CHST3: variants seen among roughly 807,000 people sequenced by gnomAD.
The protein encoded by CHST3 is C6ST-1.
A neutral mutation model predicts 35.4 loss-of-function variants in CHST3; 20 were observed. That is an observed-to-expected ratio of 0.57 (90% CI 0.40 to 0.82). The LOEUF is 0.82. Ranked by LOEUF, CHST3 falls within the 40% of genes least tolerant of loss-of-function variation. The pLI is 0.00. For synonymous variants in CHST3, 334 were observed against 295.9 expected, an observed-to-expected ratio of 1.13 and a Z score of -1.32; for missense variants, 693 against 670.1, an observed-to-expected ratio of 1.03 and a Z score of -0.38.
At chr10:72,000,768 C>T (rs1839985305) in intron 1 of CHST3, among the ~76,000 whole-genome samples, 1 of 151,906 alleles carries the variant, frequency 6.6e-6, no homozygotes, top group Non-Finnish European at 1.5e-5. Flanking sequence ...TGGGTGGCAG[C>T]ACAGTTATAA....
chr10:71,966,029 G>T (rs1363686765), intron 1 of CHST3, among the ~76,000 whole-genome samples: 1 of 152,104 alleles, frequency 6.6e-6, no homozygotes, highest in African/African-American at 2.4e-5. Flanking sequence ...GATTCTGTGG[G>T]GTCTCAATTG....
At chr10:71,981,788 C>A (rs146123260) in intron 1 of CHST3, among the ~76,000 whole-genome samples, 95 of 152,354 alleles carry the variant, frequency 6.2e-4, no homozygotes, top group African/African-American at 2.2e-3. Context: ...GACATGAATT[C>A]AATGCTTCTT....
Position 72,008,075 on chromosome 10 carries a change from C to A in CHST3, c.1044C>A (p.Ile348=), listed in dbSNP as rs3740128. The change falls in exon 3 of 3, where the codon ATC becomes ATA. Residue 348 remains isoleucine (I), a synonymous_variant. Coordinates refer to ENST00000373115, the MANE Select transcript of CHST3 (RefSeq NM_004273.5). ...VQRLRGNCES[I]RLSAELGLRQ... The stretch of plus-strand genomic sequence containing the variant: ...GGCTGCGGGGCAACTGCGAGAGCAT[C>A]CGCCTGTCCGCGGAGCTGGGGCTGC... The A allele has an allele frequency of 1.3e-6, 2 of 1,545,826 alleles. No individual in the cohort carries two copies. The highest frequency in any genetic ancestry group is 4.9e-5 in the East Asian group (2 of 40,838).
chr10:71,971,893 C>T (rs4148920), intron 1 of CHST3, among the ~76,000 whole-genome samples: 15,717 of 152,190 alleles, frequency 0.1, 2,437 homozygotes, highest in African/African-American at 0.34. Context: ...GCAGTGTCAC[C>T]CACCAGAGGA....
In CHST3 at chr10:72,003,189, C is replaced by T. The variant is rs530007370; in HGVS notation, c.-107-2547C>T. ...GGCACCTGGCACAGAGAAATATGCA[C>T]TCAGTAAACTTAAGCTGCCCATATC... On this transcript the variant is annotated intron_variant, in intron 1 of 2. Transcript: ENST00000373115. Among the ~76,000 whole-genome samples the T allele has an allele frequency of 6.6e-5, 10 of 152,312 alleles. No individual in the cohort carries two copies. The South Asian group carries it at 2.1e-3, about 32-fold the overall frequency.
At chr10:71,973,893 T>G (rs935417290) in intron 1 of CHST3, among the ~76,000 whole-genome samples, 3 of 152,170 alleles carry the variant, frequency 2.0e-5, no homozygotes, top group Admixed American at 2.0e-4. Flanking sequence ...TGAACTGAAA[T>G]GTATAGGATA....
chr10:71,964,881 A>T (rs1034419320), intron 1 of CHST3, among the ~76,000 whole-genome samples, 187 bp downstream of exon 1: 2 of 152,210 alleles, frequency 1.3e-5, no homozygotes, highest in Non-Finnish European at 2.9e-5. Context: ...AACCCGCTGC[A>T]ACCGGATCAC....
At chr10:72,003,148 T>G (rs1840008824) in intron 1 of CHST3, among the ~76,000 whole-genome samples, 1 of 152,054 alleles carries the variant, frequency 6.6e-6, no homozygotes. Context: ...ATTTGATGAG[T>G]GCAAGTGCTT....
rs755645339 is a variant in CHST3 at position 72,011,140 on chromosome 10, A to G, written c.*2669A>G. ...AACCATTCACACACTCCGTTCATGC[A>G]TGGACACCAGAAGACGATTCAGAAC... On this transcript the variant is annotated 3_prime_UTR_variant, in exon 3 of 3. Transcript: ENST00000373115. The G allele has an allele frequency of 6.6e-6, 1 of 152,264 alleles. No homozygotes were observed. Among genetic ancestry groups the G allele is most frequent in the East Asian group, 1.9e-4 (1 of 5,200 alleles). 9.4% of individuals were successfully genotyped at this position (152,264 alleles called of 1,614,324 possible). A position where few individuals can be genotyped will look rare whatever the true frequency, so the allele number is the denominator to read the frequency against.
At chr10:72,001,678 T>C (rs944525922) in intron 1 of CHST3, among the ~76,000 whole-genome samples, 3 of 152,178 alleles carry the variant, frequency 2.0e-5, no homozygotes, top group Non-Finnish European at 2.9e-5. Flanking sequence ...TTCACCATGT[T>C]GGCCAGGCTG....
intron 1 of CHST3, among the ~76,000 whole-genome samples, chr10:71,968,701 A>C (rs946938980): frequency 1.3e-5 from 2 of 151,118 alleles, no homozygotes; most frequent in African/African-American, 4.9e-5. Context: ...TTTTCCATAC[A>C]CTCTGCCGAG....
intron 1 of CHST3, among the ~76,000 whole-genome samples, chr10:71,992,658 CTTTT>C (rs57408244): frequency 2.7e-5 from 3 of 111,388 alleles, no homozygotes; most frequent in African/African-American, 3.4e-5. Flanking sequence ...ATGGAATATT[CTTTT>C]TTTTTTTTTT....
chr10:71,996,451 C>CGT (rs10564775), intron 1 of CHST3, among the ~76,000 whole-genome samples: 16,051 of 146,292 alleles, frequency 0.11, 2,589 homozygotes, highest in African/African-American at 0.36. Flanking sequence ...TGTGTCTCTG[C>CGT]GTGTGTGTGT....
Position 72,005,908 on chromosome 10 carries a change from C to T in CHST3, c.66C>T (p.Ser22=). 2 of 1,614,140 alleles carry T rather than the reference C, an allele frequency of 1.2e-6. No individual in the cohort carries two copies. The highest frequency in any genetic ancestry group is 1.7e-6 in the Non-Finnish European group (2 of 1,180,008). ...RDFVHSLKMR[S]KYALFLVFVV... ...TTGTGCACAGCCTGAAGATGAGAAG[C>T]AAATACGCCCTTTTCTTGGTTTTTG... The change falls in exon 2 of 3, where the codon AGC becomes AGT. Residue 22 remains serine (S), a synonymous_variant. Transcript: ENST00000373115.
At chr10:72,003,573 C>T (rs954805348) in intron 1 of CHST3, among the ~76,000 whole-genome samples, 17 of 151,942 alleles carry the variant, frequency 1.1e-4, no homozygotes, top group African/African-American at 3.6e-4. Context: ...TGGTGGCACA[C>T]GCCTGTAATC....
At chr10:71,982,636 G>C (rs536242508) in intron 1 of CHST3, among the ~76,000 whole-genome samples, 3 of 152,162 alleles carry the variant, frequency 2.0e-5, no homozygotes, top group East Asian at 3.9e-4. Context: ...ATCTGCCCCG[G>C]CTATTCAGAA....
rs1320853590 is a variant in CHST3 at position 72,008,561 on chromosome 10, T to C, written c.*90T>C. On this transcript the variant is annotated 3_prime_UTR_variant, in exon 3 of 3. Transcript: ENST00000373115. ...CGCAGAGGGCGGGTGCACAGCGCCA[T>C]GAGCGGGCAGCGCCTCCTGTAGCAG... 2 of 1,441,634 alleles carry C rather than the reference T, an allele frequency of 1.4e-6. No homozygotes were observed. The highest frequency in any genetic ancestry group is 1.8e-6 in the Non-Finnish European group (2 of 1,100,172). 89.3% of individuals were successfully genotyped at this position (1,441,634 alleles called of 1,614,324 possible). A position where few individuals can be genotyped will look rare whatever the true frequency, so the allele number is the denominator to read the frequency against.
chr10:71,989,396 A>G (rs561829381), intron 1 of CHST3, among the ~76,000 whole-genome samples: 12 of 152,268 alleles, frequency 7.9e-5, no homozygotes, highest in African/African-American at 2.9e-4. Flanking sequence ...GCAGTGAGCC[A>G]TGATCACACC....
chr10:71,965,191 T>C (rs1353026613), intron 1 of CHST3, among the ~76,000 whole-genome samples: 2 of 152,162 alleles, frequency 1.3e-5, no homozygotes, highest in Non-Finnish European at 2.9e-5. Context: ...GGAGCAGATG[T>C]TGCAGTCGGT....
Sources: gnomAD v4.1 joint callset for allele counts (sites outside exome capture counted in the v4.1 genomes callset) on GRCh38, gnomAD v4.1.1 for gene constraint, MANE v1.5 for transcripts, NCBI Gene and HGNC (gene_info 2026-07-23, HGNC 2026-07-21) for gene names.